The following THADA variants were observed in gnomAD, a reference collection of about 807,000 sequenced individuals.
The protein encoded by THADA is THADA armadillo repeat containing, also known as tRNA (32-2'-O)-methyltransferase regulator THADA.
In THADA, 213 loss-of-function variants were observed where a neutral mutation model predicts 219.8. The observed-to-expected ratio is 0.97, with a 90% CI of 0.87 to 1.09. The LOEUF (loss-of-function observed/expected upper bound fraction) is 1.09, where lower values mean the gene tolerates loss of function less well. Ranked by LOEUF, THADA falls within the 50% of genes least tolerant of loss-of-function variation. The pLI, the probability that THADA is intolerant of heterozygous loss-of-function variation, is 0.00. For missense variants in THADA, 2,956 were observed against 2,311.3 expected (o/e 1.28, Z -5.72); for synonymous variants, 1,018 against 828.9 (o/e 1.23, Z -3.92).
intron 26 of THADA, among the ~76,000 whole-genome samples, chr2:43,479,582 T>A (rs543836323): frequency 1.3e-5 from 2 of 151,994 alleles, no homozygotes; most frequent in African/African-American, 4.8e-5. Flanking sequence ...CAAACTATTA[T>A]CAAACATAAG....
chr2:43,424,621 C>T (rs930603105), intron 28 of THADA, among the ~76,000 whole-genome samples: 1 of 152,200 alleles, frequency 6.6e-6, no homozygotes, highest in Non-Finnish European at 1.5e-5. Flanking sequence ...TCATCTAAAT[C>T]AAATGCATAC....
chr2:43,469,825 A>C (rs978647413), intron 26 of THADA, among the ~76,000 whole-genome samples: 4 of 152,238 alleles, frequency 2.6e-5, no homozygotes, highest in South Asian at 2.1e-4. Context: ...AACGAAAAGG[A>C]CCAATTAGAT....
At chr2:43,483,283 G>A (rs918433086) in intron 26 of THADA, among the ~76,000 whole-genome samples, 1 of 152,144 alleles carries the variant, frequency 6.6e-6, no homozygotes, top group African/African-American at 2.4e-5. Context: ...CCTTCCTTCA[G>A]AAAGTTAATA....
intron 8 of THADA, among the ~76,000 whole-genome samples, chr2:43,579,820 GC>G (rs1300712955): frequency 6.6e-6 from 1 of 152,122 alleles, no homozygotes; most frequent in Non-Finnish European, 1.5e-5. Context: ...GCTGAAGATG[GC>G]ACAGCAGAAA....
rs1572917715 is a variant in THADA at position 43,286,967 on chromosome 2, A to T, written c.5105T>A (p.Val1702Asp). Residue 1702 changes from valine to aspartate, a missense_variant, in exon 35 of 38, where the codon GTC (valine) becomes GAC (aspartate). Val to Asp is a radical substitution (Grantham distance 152, BLOSUM62 -3). Transcript: ENST00000405975. ...TGTAGTACTGGTGAGGACTTCAACG[A>T]CGGCCAGCCTAGACTCTGTAGGAAG... ...DHLPTESRLA[V>D]VEVLTSTTPL... 8 of 1,613,920 alleles carry T rather than the reference A, an allele frequency of 5.0e-6. No homozygotes were observed. The highest frequency in any genetic ancestry group is 6.8e-6 in the Non-Finnish European group (8 of 1,179,904).
chr2:43,281,788 T>A (rs1445345524), intron 35 of THADA, among the ~76,000 whole-genome samples: 1 of 150,986 alleles, frequency 6.6e-6, no homozygotes. Flanking sequence ...CCTTTTTCAT[T>A]GAGATGGGGT....
At chr2:43,374,854 A>G (rs1671197750) in intron 29 of THADA, among the ~76,000 whole-genome samples, 1 of 152,140 alleles carries the variant, frequency 6.6e-6, no homozygotes, top group Admixed American at 6.5e-5. Context: ...GAATTAGTCT[A>G]CACCAAATTG....
chr2:43,509,399 T>A (rs568454376), intron 22 of THADA, among the ~76,000 whole-genome samples: 376 of 152,312 alleles, frequency 2.5e-3, no homozygotes, highest in Non-Finnish European at 4.0e-3. Context: ...TTAATTTTTA[T>A]AAAATTTTTA....
intron 28 of THADA, among the ~76,000 whole-genome samples, chr2:43,415,166 T>A (rs899467306): frequency 1.3e-5 from 2 of 152,208 alleles, no homozygotes; most frequent in African/African-American, 4.8e-5. Context: ...TAATAACTTT[T>A]AAGTAATTTA....
chr2:43,282,655 G>T (rs1292808682), intron 35 of THADA, among the ~76,000 whole-genome samples: 1 of 152,182 alleles, frequency 6.6e-6, no homozygotes, highest in African/African-American at 2.4e-5. Flanking sequence ...GGTTGGGGTT[G>T]AAGCACAGCT....
chr2:43,327,562 G>A (rs936825239), intron 30 of THADA, among the ~76,000 whole-genome samples: 9 of 152,104 alleles, frequency 5.9e-5, no homozygotes, highest in African/African-American at 2.2e-4. Flanking sequence ...ATCCCATTAT[G>A]ATCCCTCCAC....
intron 26 of THADA, among the ~76,000 whole-genome samples, chr2:43,452,761 A>C (rs1012880443): frequency 1.3e-5 from 2 of 152,182 alleles, no homozygotes; most frequent in African/African-American, 4.8e-5. Context: ...CTGCCAGCTA[A>C]ACTGATCTTT....
intron 29 of THADA, among the ~76,000 whole-genome samples, chr2:43,379,544 A>C (rs531921788): frequency 1.3e-5 from 2 of 152,196 alleles, no homozygotes; most frequent in Admixed American, 1.3e-4. Flanking sequence ...CAAGCTGGTG[A>C]CTCCAAGTGC....
In THADA at chr2:43,590,345, T is replaced by C. The variant is rs543691827; in HGVS notation, c.302+479A>G. ...CAAACTACAGCCCACAGCCTGTTTATTAAGCATGTGACCTAAGAAGGCTTT... is the reference window on the plus strand; with the variant it reads ...CAAACTACAGCCCACAGCCTGTTTACTAAGCATGTGACCTAAGAAGGCTTT... On this transcript the variant is annotated intron_variant, in intron 4 of 37. Transcript: ENST00000405975. Among the ~76,000 whole-genome samples the C allele has an allele frequency of 4.6e-5, 7 of 152,280 alleles. No individual in the cohort carries two copies. The South Asian group carries it at 1.5e-3, about 32-fold the overall frequency.
chr2:43,260,471 A>G (rs970622550), intron 36 of THADA, among the ~76,000 whole-genome samples: 1 of 152,106 alleles, frequency 6.6e-6, no homozygotes, highest in African/African-American at 2.4e-5. Flanking sequence ...TTAATTGCCT[A>G]ATATATTGCC....
intron 36 of THADA, among the ~76,000 whole-genome samples, chr2:43,250,381 T>C (rs181834073): frequency 6.6e-6 from 1 of 152,218 alleles, no homozygotes; most frequent in African/African-American, 2.4e-5. Context: ...AGACTGGCAG[T>C]TGCCAGAGGC....
chr2:43,337,538 T>C (rs1330123598), intron 30 of THADA, among the ~76,000 whole-genome samples: 2 of 152,234 alleles, frequency 1.3e-5, no homozygotes, highest in Non-Finnish European at 2.9e-5. Flanking sequence ...GTTAAAATTT[T>C]GGTGGAGGTC....
chr2:43,335,266 C>A (rs1573123512), intron 30 of THADA, among the ~76,000 whole-genome samples: 3 of 152,134 alleles, frequency 2.0e-5, no homozygotes, highest in East Asian at 1.9e-4. Flanking sequence ...CATAAAAACA[C>A]TGGATAGATG....
intron 19 of THADA, 68 bp from the exon 20 acceptor site, chr2:43,549,436 G>C (rs576713375): frequency 1.1e-4 from 157 of 1,461,566 alleles, no homozygotes; most frequent in Non-Finnish European, 1.4e-4. Flanking sequence ...CCTTGGGGAT[G>C]CTTACTCAAA....
Sources: gnomAD v4.1 joint callset for allele counts (sites outside exome capture counted in the v4.1 genomes callset) on GRCh38, gnomAD v4.1.1 for gene constraint, MANE v1.5 for transcripts, NCBI Gene and HGNC (gene_info 2026-07-23, HGNC 2026-07-21) for gene names.